The following IL22RA1 variants were observed in gnomAD, a reference collection of about 807,000 sequenced individuals.
IL22RA1 encodes interleukin 22 receptor subunit alpha 1.
A neutral mutation model predicts 32.8 loss-of-function variants in IL22RA1; 25 were observed. The observed-to-expected ratio is 0.76, with a 90% CI of 0.55 to 1.06. The LOEUF (loss-of-function observed/expected upper bound fraction) is 1.06, where lower values mean the gene tolerates loss of function less well. IL22RA1 is among the 50% of genes least tolerant of loss of function. The pLI is 0.00. For missense variants in IL22RA1, 709 were observed against 727.4 expected (o/e 0.97, Z 0.29); for synonymous variants, 305 against 305.0 (o/e 1.00, Z 0.00).
rs769676120 is a variant in IL22RA1, at chr1:24,121,245, C to A, written c.1285G>T (p.Gly429Cys). 2.5e-6 allele frequency: 4 copies of A among 1,614,192 alleles called. No homozygotes were observed. The Admixed American group carries it at 6.7e-5, about 27-fold the overall frequency. ...LSSPKHLRPK[G>C]QLQKEPPAGS... ...GCTGGTGGCTCTTTCTGAAGCTGAC[C>A]TTTAGGCCTAAGGTGTTTAGGACTA... The change falls in exon 7 of 7, where the codon GGT (glycine) becomes TGT (cysteine). Residue 429 changes from glycine (G) to cysteine (C), a missense_variant. Coordinates refer to ENST00000270800, the MANE Select transcript of IL22RA1 (RefSeq NM_021258.4).
chr1:24,134,832 T>C (rs1644231754), intron 3 of IL22RA1: 1 of 984,346 alleles, frequency 1.0e-6, no homozygotes, highest in Non-Finnish European at 1.2e-6. Context: ...AAGATCAGGC[T>C]GAAGACTTCT....
chr1:24,129,349 G>C (rs1222096898), intron 4 of IL22RA1, among the ~76,000 whole-genome samples: 1 of 152,228 alleles, frequency 6.6e-6, no homozygotes, highest in African/African-American at 2.4e-5. Flanking sequence ...AAGAGCTGTA[G>C]AGTTTCTGAT....
chr1:24,139,047 G>A (rs576610210), intron 1 of IL22RA1, among the ~76,000 whole-genome samples: 4 of 152,250 alleles, frequency 2.6e-5, no homozygotes, highest in South Asian at 4.1e-4. Flanking sequence ...TGCAATCATC[G>A]CTATTATCTA....
intron 4 of IL22RA1, among the ~76,000 whole-genome samples, chr1:24,131,330 T>C (rs1385913628): frequency 6.6e-6 from 1 of 152,214 alleles, no homozygotes; most frequent in African/African-American, 2.4e-5. Flanking sequence ...TTTTATGGCA[T>C]GTGAATTAAT....
rs1488075505 is a variant in IL22RA1, at chr1:24,141,573, G to C, written c.43+1467C>G. ...CGTGGAGGTTGGCACCACTTTTCAG[G>C]AGGGAACTGCAGTTAGCTTCCTGAA... is the stretch of plus-strand genomic sequence containing the variant. On this transcript the variant is annotated intron_variant, in intron 1 of 6. Transcript: ENST00000270800. Among the ~76,000 whole-genome samples, 5 of 152,196 alleles carry C rather than the reference G, an allele frequency of 3.3e-5. No homozygotes were observed. The East Asian group carries it at 9.6e-4, about 29-fold the overall frequency.
Position 24,123,318 on chromosome 1 carries a change from G to A in IL22RA1, c.776C>T (p.Ala259Val), listed in dbSNP as rs750881925. Residue 259 changes from alanine to valine, a missense_variant, in exon 6 of 7, where the codon GCA becomes GTA. Ala to Val is a moderately conservative substitution (Grantham distance 64). Coordinates refer to ENST00000270800, the MANE Select transcript of IL22RA1 (RefSeq NM_021258.4). ...ATGGCTCACCAGGGAGTTGGGAGGT[G>A]CAGGCGGCTTGGTGACATATCTGTA... is the stretch of plus-strand genomic sequence containing the variant. ...LSYRYVTKPP[A>V]PPNSLNVQRV... 1.4e-5 allele frequency: 22 copies of A among 1,614,014 alleles called. No individual in the cohort carries two copies. Among genetic ancestry groups the A allele is most frequent in the Non-Finnish European group, 1.7e-5 (20 of 1,179,992 alleles).
At chr1:24,124,727 C>T (rs1210658209) in intron 5 of IL22RA1, among the ~76,000 whole-genome samples, 4 of 152,074 alleles carry the variant, frequency 2.6e-5, no homozygotes, top group South Asian at 2.1e-4. Context: ...GCCCACTCCT[C>T]GATCCTCCCC....
chr1:24,122,245 T>A (rs1375874449), intron 6 of IL22RA1, among the ~76,000 whole-genome samples: 1 of 152,158 alleles, frequency 6.6e-6, no homozygotes, highest in East Asian at 1.9e-4. Flanking sequence ...AGGCTCCGGG[T>A]GCCTCAGGTG....
At chr1:24,132,181 G>A (rs982933190) in intron 4 of IL22RA1, among the ~76,000 whole-genome samples, 5 of 152,132 alleles carry the variant, frequency 3.3e-5, no homozygotes, top group Non-Finnish European at 7.3e-5. Flanking sequence ...GGGAAGAAGC[G>A]CCTGGGTTGC....
rs1263289199 is a variant in IL22RA1 at position 24,123,380 on chromosome 1, G to A, written c.714C>T (p.Ser238=). The change falls in exon 6 of 7, where the codon TCC becomes TCT. Residue 238 remains serine (S), a synonymous_variant. Transcript: ENST00000270800. ...TYSFSGAFLF[S]MGFLVAVLCY... ...AGAGTACTGCGACGAGGAAGCCCATGGAGAACAGGAAGGCTCCGGAGAAGG... is the reference window on the plus strand; with the variant it reads ...AGAGTACTGCGACGAGGAAGCCCATAGAGAACAGGAAGGCTCCGGAGAAGG... 2.5e-6 allele frequency: 4 copies of A among 1,613,954 alleles called. No individual in the cohort carries two copies. Among genetic ancestry groups the A allele is most frequent in the Admixed American group, 3.3e-5 (2 of 59,986 alleles).
chr1:24,126,461 T>C (rs1644162169), intron 5 of IL22RA1, among the ~76,000 whole-genome samples: 1 of 152,182 alleles, frequency 6.6e-6, no homozygotes, highest in Non-Finnish European at 1.5e-5. Flanking sequence ...AGCATCCCTA[T>C]TTGTCAGATG....
chr1:24,138,863 C>A, intron 1 of IL22RA1, 149 bp from the exon 2 acceptor site: 1 of 906,798 alleles, frequency 1.1e-6, no homozygotes, highest in Admixed American at 2.5e-5. Context: ...CAGGGAGACC[C>A]TGGCCCCCAG....
Position 24,137,234 on chromosome 1 carries a change from C to G in IL22RA1, c.252G>C (p.Glu84Asp). The change falls in exon 3 of 7, where the codon GAG becomes GAC. Residue 84 changes from glutamate (E) to aspartate (D), a missense_variant. By Grantham distance (45) the Glu-to-Asp change is conservative. Coordinates refer to ENST00000270800, the MANE Select transcript of IL22RA1 (RefSeq NM_021258.4). ...AGTAGAGCTCCGTGAGGTTGCCCGT[C>G]TCCACCGTCAGGTTGCAGGACTTCC... is the stretch of plus-strand genomic sequence containing the variant. ...ITRKSCNLTV[E>D]TGNLTELYYA... 1 of 1,614,170 alleles carries G rather than the reference C, an allele frequency of 6.2e-7. No individual in the cohort carries two copies. The highest frequency in any genetic ancestry group is 8.5e-7 in the Non-Finnish European group (1 of 1,180,044).
chr1:24,138,624 G>C lies in IL22RA1; in HGVS notation c.134C>G (p.Pro45Arg). 6.2e-7 allele frequency: 1 copy of C among 1,614,164 alleles called. No individual in the cohort carries two copies. The highest frequency in any genetic ancestry group is 8.5e-7 in the Non-Finnish European group (1 of 1,180,014). ...FENILTWDSG[P>R]EGTPDTVYSI... The stretch of plus-strand genomic sequence containing the variant: ...GTAGACCGTGTCTGGGGTGCCCTCC[G>C]GCCCGCTGTCCCACGTCAGGATGTT... The change falls in exon 2 of 7, where the codon CCG becomes CGG. Residue 45 changes from proline to arginine, a missense_variant. By Grantham distance (103) the Pro-to-Arg change is moderately radical (BLOSUM62 -2). Transcript: ENST00000270800.
Position 24,120,709 on chromosome 1 carries a change from C to T in IL22RA1, c.*96G>A, listed in dbSNP as rs564402425. The T allele has an allele frequency of 5.0e-4, 599 of 1,210,024 alleles. 5 individuals are homozygous for T. In the South Asian group the frequency reaches 8.4e-3, roughly 17 times the overall value. 75.0% of individuals were successfully genotyped at this position (1,210,024 alleles called of 1,614,324 possible). ...CAAGGGCACCCGTCTGAGGCCAGAT[C>T]GCAGAGTGTGTGGCGTGGGCAGGCA... is the stretch of plus-strand genomic sequence containing the variant. On this transcript the variant is annotated 3_prime_UTR_variant, in exon 7 of 7. Transcript: ENST00000270800.
chr1:24,135,157 C>T (rs972497884), intron 3 of IL22RA1, among the ~76,000 whole-genome samples: 4 of 152,208 alleles, frequency 2.6e-5, no homozygotes, highest in Non-Finnish European at 5.9e-5. Context: ...ATTAGAGTAT[C>T]TCCCTAGAAT....
chr1:24,128,576 G>GTTATACA (rs1170098954), intron 4 of IL22RA1, among the ~76,000 whole-genome samples: 1 of 150,846 alleles, frequency 6.6e-6, no homozygotes, highest in Non-Finnish European at 1.5e-5. Context: ...ACACATAATG[G>GTTATACA]CAGCTGTCAT....
rs11428028 is a variant in IL22RA1, at chr1:24,137,516, C to CTT, written c.177-209_177-208dup. Among the ~76,000 whole-genome samples the CTT allele has an allele frequency of 1.6e-3, 223 of 139,982 alleles. 2 individuals carry two copies. Among genetic ancestry groups the CTT allele is most frequent in the Middle Eastern group, 3.7e-3 (1 of 272 alleles). The allele number at this position is 139,982 out of a possible 152,430, so 91.8% of individuals were successfully genotyped here. ...TTTTTCTTTCTTTATTCCTTCCTTT[C>CTT]TTTTTTTTTTTTTTTCTTGAGACAC... On this transcript the variant is annotated intron_variant, in intron 2 of 6. Coordinates refer to ENST00000270800, the MANE Select transcript of IL22RA1 (RefSeq NM_021258.4).
intron 2 of IL22RA1, 148 bp from the exon 3 acceptor site, chr1:24,137,457 C>G (rs766174771): frequency 4.8e-6 from 3 of 628,000 alleles, no homozygotes; most frequent in Non-Finnish European, 8.2e-6. Flanking sequence ...ATTTTGTTCT[C>G]ACAATGATTC....
Sources: gnomAD v4.1 joint callset for allele counts (sites outside exome capture counted in the v4.1 genomes callset) on GRCh38, gnomAD v4.1.1 for gene constraint, MANE v1.5 for transcripts, NCBI Gene and HGNC (gene_info 2026-07-23, HGNC 2026-07-21) for gene names.